Variants in MLXIP observed in about 807,000 individuals in gnomAD.
MLXIP encodes MLX interacting protein, also known as MLX-interacting protein.
MLXIP carries 30 observed loss-of-function variants against 87.2 expected under a neutral mutation model. The observed-to-expected ratio is 0.34, with a 90% CI of 0.26 to 0.47. The LOEUF (loss-of-function observed/expected upper bound fraction) is 0.47. MLXIP is among the 20% of genes least tolerant of loss of function. The pLI is 1.00. For synonymous variants in MLXIP, 530 were observed against 514.0 expected (o/e 1.03, Z -0.42); for missense variants, 1,002 against 1,240.1 (o/e 0.81, Z 2.88).
intron 15 of MLXIP, 86 bp downstream of exon 15, chr12:122,139,024 A>G (rs1953148635): frequency 1.9e-6 from 3 of 1,559,938 alleles, no homozygotes; most frequent in South Asian, 2.4e-5. Context: ...TACTTTAGAA[A>G]GACTCTTTAA....
chr12:122,118,306 G>T (rs1467158342), intron 1 of MLXIP, among the ~76,000 whole-genome samples: 1 of 152,170 alleles, frequency 6.6e-6, no homozygotes, highest in Non-Finnish European at 1.5e-5. Flanking sequence ...TTCAGACAGC[G>T]GTTGATCATG....
At chr12:122,125,788 T>TG (rs1180236575) in intron 1 of MLXIP, among the ~76,000 whole-genome samples, 2 of 152,230 alleles carry the variant, frequency 1.3e-5, no homozygotes, top group Non-Finnish European at 2.9e-5. Flanking sequence ...GACATTTTTC[T>TG]GGGGGAGTCA....
intron 1 of MLXIP, among the ~76,000 whole-genome samples, chr12:122,103,221 ATT>A (rs1565965612): frequency 0.031 from 4,646 of 148,284 alleles, 110 homozygotes; most frequent in Middle Eastern, 0.066. Flanking sequence ...TTATTTATTT[ATT>A]TATTTATTTA....
Position 122,133,346 on chromosome 12 carries a change from A to G in MLXIP, c.1093-2A>G. ...TTCCTGGCTCCTTTCTTCCTTTTTC[A>G]GGAGAGCATCCTGCCGACCACAGCC... On this transcript the variant is annotated splice_acceptor_variant, in intron 8 of 16. Transcript: ENST00000319080. LOFTEE classifies it high-confidence loss of function. This position sits in a 1 kb window ranked among gnomAD's most constrained non-coding sequence, Gnocchi z 4.9. 6.5e-7 allele frequency: 1 copy of G among 1,548,400 alleles called. No individual in the cohort carries two copies. The highest frequency in any genetic ancestry group is 8.7e-7 in the Non-Finnish European group (1 of 1,145,826).
chr12:122,125,746 C>T (rs1056701311), intron 1 of MLXIP, among the ~76,000 whole-genome samples: 3 of 152,222 alleles, frequency 2.0e-5, no homozygotes, highest in Non-Finnish European at 2.9e-5. Flanking sequence ...CTGCTGTCTG[C>T]GTGTCTCTTG....
chr12:122,124,862 C>G (rs1258663443), intron 1 of MLXIP, among the ~76,000 whole-genome samples: 2 of 152,022 alleles, frequency 1.3e-5, no homozygotes, highest in Non-Finnish European at 2.9e-5. Flanking sequence ...AAAACCCTGT[C>G]TCTACTAAAA....
At position 122,141,900 on chromosome 12, in the gene MLXIP, C is replaced by T. The variant is rs1021820945; in HGVS notation, c.*88C>T. 1.8e-5 allele frequency: 28 copies of T among 1,552,716 alleles called. No homozygotes were observed. The highest frequency in any genetic ancestry group is 9.5e-5 in the African/African-American group (7 of 73,956). ...GGCTGCGCCCCCCAGCCCTTCCTGACGCTCAGCCTCGGGGCCTCTCTCCAA... is the reference window on the plus strand; with the variant it reads ...GGCTGCGCCCCCCAGCCCTTCCTGATGCTCAGCCTCGGGGCCTCTCTCCAA... On this transcript the variant is annotated 3_prime_UTR_variant, in exon 17 of 17. Transcript: ENST00000319080.
intron 1 of MLXIP, among the ~76,000 whole-genome samples, chr12:122,111,902 A>G (rs1286570284): frequency 6.6e-6 from 1 of 152,204 alleles, no homozygotes; most frequent in Non-Finnish European, 1.5e-5. Context: ...GGTGCTGCCT[A>G]CATTAATTGA....
chr12:122,135,784 G>A lies in MLXIP; in HGVS notation c.2032+118G>A, dbSNP rs1593115963. ...ACGGAGCCTGGGCTTAGGACACACAGTGAGGTCTTGTAGGCCTGCTGATAA... is the reference window on the plus strand; with the variant it reads ...ACGGAGCCTGGGCTTAGGACACACAATGAGGTCTTGTAGGCCTGCTGATAA... On this transcript the variant is annotated intron_variant, in intron 11 of 16. Coordinates refer to ENST00000319080, the MANE Select transcript of MLXIP (RefSeq NM_014938.6). This position sits in a 1 kb window ranked among gnomAD's most constrained non-coding sequence, Gnocchi z 5.3. 1 of 1,228,976 alleles carries A rather than the reference G, an allele frequency of 8.1e-7. No homozygotes were observed. Among genetic ancestry groups the A allele is most frequent in the East Asian group, 2.7e-5 (1 of 37,020 alleles). 76.1% of individuals were successfully genotyped at this position (1,228,976 alleles called of 1,614,324 possible).
At chr12:122,113,723 C>T (rs1282948862) in intron 1 of MLXIP, among the ~76,000 whole-genome samples, 7 of 131,290 alleles carry the variant, frequency 5.3e-5, no homozygotes, top group African/African-American at 1.5e-4. Flanking sequence ...CTCGCTCTGT[C>T]GCCCAGGCTG....
intron 5 of MLXIP, 51 bp from the exon 6 acceptor site, chr12:122,129,890 G>A (rs1289281786): frequency 6.4e-6 from 10 of 1,568,010 alleles, no homozygotes; most frequent in South Asian, 1.2e-5. Flanking sequence ...GGAATTCTTC[G>A]TCCCACTGTT....
At chr12:122,131,544 G>A (rs1952979349) in intron 7 of MLXIP, among the ~76,000 whole-genome samples, 1 of 148,706 alleles carries the variant, frequency 6.7e-6, no homozygotes, top group Non-Finnish European at 1.5e-5. Context: ...TGAACTCCTG[G>A]GCTCAAGCGA....
intron 15 of MLXIP, among the ~76,000 whole-genome samples, chr12:122,139,544 G>A (rs577761972): frequency 6.6e-6 from 1 of 152,376 alleles, no homozygotes; most frequent in African/African-American, 2.4e-5. Flanking sequence ...TGGGTTGACC[G>A]TGGCATTGGG....
intron 1 of MLXIP, among the ~76,000 whole-genome samples, chr12:122,123,857 G>GCCCT (rs1952824858): frequency 6.6e-6 from 1 of 152,108 alleles, no homozygotes; most frequent in Non-Finnish European, 1.5e-5. Flanking sequence ...ATGCCACCAT[G>GCCCT]CCCTGTTCAC....
chr12:122,104,579 T>C (rs1185328222), intron 1 of MLXIP, among the ~76,000 whole-genome samples: 3 of 141,040 alleles, frequency 2.1e-5, no homozygotes, highest in South Asian at 4.7e-4. Context: ...CCTTTTCTTT[T>C]TTTTTTTTTT....
At chr12:122,117,385 CCTTTGTTCGT>C (rs1334552478) in intron 1 of MLXIP, among the ~76,000 whole-genome samples, 1 of 152,230 alleles carries the variant, frequency 6.6e-6, no homozygotes, top group Non-Finnish European at 1.5e-5. Context: ...CCTCAATGAA[CCTTTGTTCGT>C]CTGTAGCCTG....
intron 1 of MLXIP, among the ~76,000 whole-genome samples, chr12:122,111,092 A>AAG (rs1952600872): frequency 6.6e-6 from 1 of 151,708 alleles, no homozygotes; most frequent in South Asian, 2.1e-4. Flanking sequence ...AAAAAAAAAA[A>AAG]AAGTCTATTT....
At chr12:122,082,179 G>T (rs73217774) in intron 1 of MLXIP, among the ~76,000 whole-genome samples, 1,685 of 152,296 alleles carry the variant, frequency 0.011, 11 homozygotes, top group Middle Eastern at 0.058. Context: ...GGATATGAGT[G>T]TGCCCAGGGC....
chr12:122,090,412 T>A (rs1461484851), intron 1 of MLXIP, among the ~76,000 whole-genome samples: 1 of 151,698 alleles, frequency 6.6e-6, no homozygotes, highest in African/African-American at 2.4e-5. Context: ...CAGGAGACTC[T>A]CTTGAAACCG....
Sources: allele counts gnomAD v4.1 joint callset (sites outside exome capture counted in the v4.1 genomes callset), GRCh38; gene constraint gnomAD v4.1.1; non-coding constraint Gnocchi (gnomAD v3.1); transcripts MANE v1.5; gene names NCBI Gene and HGNC (gene_info 2026-07-23, HGNC 2026-07-21).